UNC80: variants seen among roughly 807,000 people sequenced by gnomAD.
UNC80 encodes protein unc-80 homolog.
In UNC80, 164 loss-of-function variants were observed where a neutral mutation model predicts 384.6. The observed-to-expected ratio is 0.43, with a 90% CI of 0.38 to 0.49. The LOEUF (loss-of-function observed/expected upper bound fraction) is 0.49, where lower values mean the gene tolerates loss of function less well. Ranked by LOEUF, UNC80 falls within the 20% of genes least tolerant of loss-of-function variation. The pLI, the probability that UNC80 is intolerant of heterozygous loss-of-function variation, is 0.00. For missense variants in UNC80, 3,330 were observed against 4,143.0 expected (o/e 0.80, Z 5.39); for synonymous variants, 1,486 against 1,527.8 (o/e 0.97, Z 0.64).
chr2:209,791,530 C>T (rs956892740), intron 6 of UNC80, among the ~76,000 whole-genome samples: 1 of 151,842 alleles, frequency 6.6e-6, no homozygotes, highest in Admixed American at 6.6e-5. Flanking sequence ...GGAATCTTCT[C>T]TTTCCTTCGT....
intron 22 of UNC80, among the ~76,000 whole-genome samples, chr2:209,864,399 G>A (rs1431084371): frequency 6.6e-6 from 1 of 152,156 alleles, no homozygotes; most frequent in Non-Finnish European, 1.5e-5. Context: ...TTGCTGTGGG[G>A]AAACCCACCC....
chr2:209,792,067 G>C (rs1021497282), intron 6 of UNC80, among the ~76,000 whole-genome samples: 4 of 152,148 alleles, frequency 2.6e-5, no homozygotes, highest in African/African-American at 9.7e-5. Context: ...ACTTTAGGAG[G>C]CTTAGGCAGG....
At chr2:209,913,640 A>T (rs763491337) in intron 30 of UNC80, among the ~76,000 whole-genome samples, 162 bp from the exon 31 acceptor site, 5 of 152,180 alleles carry the variant, frequency 3.3e-5, no homozygotes, top group African/African-American at 1.2e-4. Context: ...TATAAAGCTT[A>T]TCTATCATAT....
chr2:209,883,476 G>A (rs1230938506), intron 25 of UNC80, among the ~76,000 whole-genome samples: 1 of 145,822 alleles, frequency 6.9e-6, no homozygotes, highest in Non-Finnish European at 1.5e-5. Context: ...TGTTGCCCAG[G>A]CTGGAGTGCA....
intron 21 of UNC80, among the ~76,000 whole-genome samples, chr2:209,848,705 A>T (rs2082322735): frequency 6.6e-6 from 1 of 152,106 alleles, no homozygotes; most frequent in South Asian, 2.1e-4. Context: ...ATAATTTTTA[A>T]ATCTGGTGGT....
chr2:209,970,757 C>T lies in UNC80; in HGVS notation c.8131-75C>T. 3 of 1,465,008 alleles carry T rather than the reference C, an allele frequency of 2.0e-6. No individual in the cohort carries two copies. The East Asian group carries it at 7.6e-5, about 37-fold the overall frequency. 90.8% of individuals were successfully genotyped at this position (1,465,008 alleles called of 1,614,324 possible). On this transcript the variant is annotated intron_variant, in intron 53 of 64. Coordinates refer to ENST00000673920, the MANE Select transcript of UNC80 (RefSeq NM_001371986.1). ...AATTTATCATTTTTATTATCATCAT[C>T]ATTGAGACTCCTTTACTACGGTTGC...
At chr2:209,874,451 T>A (rs1200670037) in intron 23 of UNC80, among the ~76,000 whole-genome samples, 2 of 152,210 alleles carry the variant, frequency 1.3e-5, no homozygotes, top group Non-Finnish European at 2.9e-5. Context: ...ATAGGGAGAT[T>A]GTCACCAAGA....
At chr2:209,859,538 G>A (rs1340512543) in intron 22 of UNC80, among the ~76,000 whole-genome samples, 2 of 151,956 alleles carry the variant, frequency 1.3e-5, no homozygotes, top group African/African-American at 2.4e-5. Context: ...TATTCCTTTG[G>A]GTATACCCAG....
At chr2:209,824,449 T>G (rs1432108412) in intron 13 of UNC80, among the ~76,000 whole-genome samples, 3 of 152,120 alleles carry the variant, frequency 2.0e-5, no homozygotes, top group African/African-American at 7.2e-5. Flanking sequence ...CTGGGATGGC[T>G]CTTTAAGTAG....
chr2:209,940,228 A>G (rs1193417789), intron 43 of UNC80, among the ~76,000 whole-genome samples: 3 of 152,146 alleles, frequency 2.0e-5, no homozygotes, highest in Admixed American at 1.3e-4. Context: ...AGAAATCAGA[A>G]TGGTGGTTGC....
At chr2:209,856,153 T>G (rs1175629177) in intron 22 of UNC80, among the ~76,000 whole-genome samples, 1 of 152,154 alleles carries the variant, frequency 6.6e-6, no homozygotes, top group Non-Finnish European at 1.5e-5. Flanking sequence ...TTTTTATTTT[T>G]AACAATGTGG....
intron 53 of UNC80, 27 bp downstream of exon 53, chr2:209,969,918 A>C: frequency 6.4e-7 from 1 of 1,550,940 alleles, no homozygotes; most frequent in Non-Finnish European, 8.7e-7. Flanking sequence ...CAATCTTATG[A>C]AACTTTGCAC....
chr2:209,873,095 A>T, intron 23 of UNC80, 125 bp downstream of exon 23: 2 of 873,568 alleles, frequency 2.3e-6, no homozygotes, highest in Non-Finnish European at 3.5e-6. Flanking sequence ...GTACTGAAGG[A>T]AACACTTTGG....
chr2:209,801,689 C>CA (rs2078567152), intron 7 of UNC80, among the ~76,000 whole-genome samples: 1 of 115,142 alleles, frequency 8.7e-6, no homozygotes. Context: ...CCAACCCCTG[C>CA]TTTTTTTTTT....
intron 44 of UNC80, among the ~76,000 whole-genome samples, chr2:209,941,841 A>C (rs1460000582): frequency 6.6e-6 from 1 of 152,192 alleles, no homozygotes; most frequent in African/African-American, 2.4e-5. Context: ...TGGGAGGCCA[A>C]GGTGGGAGAA....
intron 22 of UNC80, among the ~76,000 whole-genome samples, chr2:209,856,102 C>T (rs958322465): frequency 3.3e-5 from 5 of 152,010 alleles, no homozygotes; most frequent in African/African-American, 1.2e-4. Flanking sequence ...AATGAAAACT[C>T]CTGTTTCTCT....
Position 209,918,517 on chromosome 2 carries a change from G to C in UNC80, c.5212-15G>C, listed in dbSNP as rs773942346. On this transcript the variant is annotated splice_polypyrimidine_tract_variant and intron_variant, in intron 32 of 64. Transcript: ENST00000673920. ...ATATTCCCTCTCACCTAATTTTTCT[G>C]ATGTCAACTAACAGATTCCGCCTCC... The C allele has an allele frequency of 2.8e-5, 43 of 1,549,982 alleles. No homozygotes were observed. In the African/African-American group the frequency reaches 5.3e-4, roughly 19 times the overall value.
chr2:209,992,318 T>C lies in UNC80; in HGVS notation c.9396+71T>C, dbSNP rs1029377649. 2.4e-5 allele frequency: 33 copies of C among 1,398,544 alleles called. No individual in the cohort carries two copies. In the Middle Eastern group the frequency reaches 1.3e-3, roughly 57 times the overall value. The allele number at this position is 1,398,544 out of a possible 1,614,324, so 86.6% of individuals were successfully genotyped here. On this transcript the variant is annotated intron_variant, in intron 62 of 64. Transcript: ENST00000673920. ...AGCTCTGTGTGATTTTTAATGCCCATGTATATTAAGATATTTTGCTGCTGG... is the reference window on the plus strand; with the variant it reads ...AGCTCTGTGTGATTTTTAATGCCCACGTATATTAAGATATTTTGCTGCTGG...
intron 31 of UNC80, among the ~76,000 whole-genome samples, chr2:209,916,280 A>G (rs1037965832): frequency 9.9e-5 from 15 of 152,202 alleles, no homozygotes; most frequent in African/African-American, 3.6e-4. Context: ...CCAGAGGAAG[A>G]AGCCCAGCCA....
Sources: allele counts gnomAD v4.1 joint callset (sites outside exome capture counted in the v4.1 genomes callset), GRCh38; gene constraint gnomAD v4.1.1; transcripts MANE v1.5; gene names NCBI Gene and HGNC (gene_info 2026-07-23, HGNC 2026-07-21).